Variants in MTCL2 observed in about 807,000 individuals in gnomAD.
MTCL2 encodes the protein microtubule cross-linking factor 2.
chr20:36,842,633 A>G, the MTCL2 span, among the ~76,000 whole-genome samples: 2 of 152,178 alleles, frequency 1.3e-5, no homozygotes, highest in Non-Finnish European at 2.9e-5. Context: ...TTAGCCAGGC[A>G]TGGTGGTGGG....
the MTCL2 span, among the ~76,000 whole-genome samples, chr20:36,838,765 C>T: frequency 1.3e-5 from 2 of 151,916 alleles, no homozygotes; most frequent in African/African-American, 2.4e-5. Context: ...GTCAGGAGTT[C>T]GAAACCAGGC....
the MTCL2 span, chr20:36,808,748 C>T: frequency 1.4e-5 from 22 of 1,574,884 alleles, no homozygotes; most frequent in South Asian, 2.3e-5. Context: ...CTTCAGCTGC[C>T]GGGGGACAAG....
the MTCL2 span, among the ~76,000 whole-genome samples, chr20:36,834,422 C>A: frequency 1.3e-5 from 2 of 152,166 alleles, no homozygotes; most frequent in Non-Finnish European, 2.9e-5. Context: ...TGGCTTCCCA[C>A]AGGAGTCACT....
At chr20:36,846,593 C>T in the MTCL2 span, among the ~76,000 whole-genome samples, 1 of 152,228 alleles carries the variant, frequency 6.6e-6, no homozygotes, top group Non-Finnish European at 1.5e-5. Context: ...TCCACCGGTT[C>T]TCACCAGCTT....
chr20:36,835,391 G>A, the MTCL2 span, among the ~76,000 whole-genome samples: 1 of 151,876 alleles, frequency 6.6e-6, no homozygotes, highest in African/African-American at 2.4e-5. Context: ...TAAAACCACA[G>A]GAGCTCAAAA....
the MTCL2 span, chr20:36,808,822 A>C: frequency 7.6e-7 from 1 of 1,312,400 alleles, no homozygotes; most frequent in African/African-American, 1.5e-5. Flanking sequence ...GGACAGGGGC[A>C]GGGAGGAAAG....
the MTCL2 span, among the ~76,000 whole-genome samples, chr20:36,816,612 C>T: frequency 4.7e-4 from 72 of 152,262 alleles, no homozygotes; most frequent in East Asian, 0.012. Context: ...GAGCCACAGA[C>T]GGGATTAAAT....
chr20:36,846,246 C>A, the MTCL2 span, among the ~76,000 whole-genome samples: 2 of 152,208 alleles, frequency 1.3e-5, no homozygotes, highest in Admixed American at 6.5e-5. Flanking sequence ...CTGGGGAAAC[C>A]CCAAGCCTCA....
chr20:36,802,928 C>T, the MTCL2 span: 1 of 1,573,770 alleles, frequency 6.4e-7, no homozygotes, highest in Non-Finnish European at 8.6e-7. Context: ...GCCGCTCCAC[C>T]AGCTGCAGCT....
chr20:36,805,656 C>T, the MTCL2 span, among the ~76,000 whole-genome samples: 1 of 152,206 alleles, frequency 6.6e-6, no homozygotes, highest in African/African-American at 2.4e-5. Flanking sequence ...CCCTATACTG[C>T]AAAGAGAATT....
At chr20:36,844,400 A>AAATAAT in the MTCL2 span, among the ~76,000 whole-genome samples, 1 of 145,160 alleles carries the variant, frequency 6.9e-6, no homozygotes, top group Non-Finnish European at 1.5e-5. Context: ...TACAAAAAAA[A>AAATAAT]AATAATAATA....
chr20:36,836,735 C>T, the MTCL2 span, among the ~76,000 whole-genome samples: 1 of 152,198 alleles, frequency 6.6e-6, no homozygotes, highest in African/African-American at 2.4e-5. Flanking sequence ...GATCCTCCCA[C>T]TTCAGCCTCC....
the MTCL2 span, among the ~76,000 whole-genome samples, chr20:36,788,092 T>C: frequency 3.3e-5 from 5 of 150,950 alleles, no homozygotes; most frequent in Non-Finnish European, 7.4e-5. Flanking sequence ...TCCCAGCTAC[T>C]TGGGAGACCG....
chr20:36,808,616 T>C, the MTCL2 span: 3 of 1,612,240 alleles, frequency 1.9e-6, no homozygotes, highest in Admixed American at 1.7e-5. Flanking sequence ...GTGCTTGAAT[T>C]GCTGGGACTC....
the MTCL2 span, among the ~76,000 whole-genome samples, chr20:36,828,072 C>G: frequency 6.6e-6 from 1 of 152,204 alleles, no homozygotes; most frequent in Non-Finnish European, 1.5e-5. Context: ...CTGGCAGGCT[C>G]GCCCTCGGGG....
the MTCL2 span, among the ~76,000 whole-genome samples, chr20:36,838,089 C>T: frequency 6.6e-6 from 1 of 151,842 alleles, no homozygotes; most frequent in African/African-American, 2.4e-5. Flanking sequence ...GCTCTGTCGC[C>T]CAGGCTGGAG....
the MTCL2 span, chr20:36,809,898 G>A: frequency 6.7e-7 from 1 of 1,489,910 alleles, no homozygotes. Flanking sequence ...TGACTTCAGA[G>A]GGCCCATAGA....
the MTCL2 span, among the ~76,000 whole-genome samples, chr20:36,817,242 G>A: frequency 6.8e-6 from 1 of 146,076 alleles, no homozygotes; most frequent in Non-Finnish European, 1.5e-5. Context: ...ACTGCAGCCT[G>A]GGCAAGAGAG....
At chr20:36,800,385 A>G in the MTCL2 span, among the ~76,000 whole-genome samples, 3 of 152,226 alleles carry the variant, frequency 2.0e-5, no homozygotes, top group Admixed American at 2.0e-4. Flanking sequence ...TGCTTTCCAC[A>G]TGGTACCTGG....
Sources: allele counts gnomAD v4.1 joint callset (sites outside exome capture counted in the v4.1 genomes callset), GRCh38; gene constraint gnomAD v4.1.1; transcripts MANE v1.5; gene names NCBI Gene and HGNC (gene_info 2026-07-23, HGNC 2026-07-21).